Variants in ARL8B observed in about 807,000 individuals in gnomAD.
The protein encoded by ARL8B is ARF like GTPase 8B.
Under a neutral mutation model 30.6 loss-of-function variants are expected in ARL8B, and 9 were observed. The observed-to-expected ratio is 0.29, with a 90% CI of 0.18 to 0.51. The LOEUF (loss-of-function observed/expected upper bound fraction) is 0.51, where lower values mean the gene tolerates loss of function less well. Ranked by LOEUF, ARL8B falls within the 20% of genes least tolerant of loss-of-function variation. ARL8B has a pLI of 0.97. For missense variants in ARL8B, 130 were observed against 227.2 expected (o/e 0.57, Z 2.75); for synonymous variants, 74 against 76.0 (o/e 0.97, Z 0.14).
At chr3:5,126,953 T>A (rs538941763) in intron 1 of ARL8B, among the ~76,000 whole-genome samples, 1 of 152,240 alleles carries the variant, frequency 6.6e-6, no homozygotes, top group South Asian at 2.1e-4. Context: ...ATAAATCTTA[T>A]GGACATTATG....
chr3:5,145,338 C>A (rs1331101467), intron 1 of ARL8B, among the ~76,000 whole-genome samples: 1 of 152,162 alleles, frequency 6.6e-6, no homozygotes, highest in East Asian at 1.9e-4. Flanking sequence ...AATCCAGTAA[C>A]CATCTCCCGG....
chr3:5,132,053 A>C (rs2054287691), intron 1 of ARL8B, among the ~76,000 whole-genome samples: 1 of 152,056 alleles, frequency 6.6e-6, no homozygotes, highest in Admixed American at 6.6e-5. Flanking sequence ...CAGCTAATTA[A>C]AAAAATTTGT....
intron 6 of ARL8B, among the ~76,000 whole-genome samples, chr3:5,178,298 C>A (rs1302959854): frequency 6.8e-6 from 1 of 147,354 alleles, no homozygotes; most frequent in East Asian, 2.0e-4. Context: ...ATTACTGCAT[C>A]TTTTCTGTGT....
chr3:5,122,596 C>T lies in ARL8B; in HGVS notation c.123+8C>T, dbSNP rs765256373. 3 of 1,594,472 alleles carry T rather than the reference C, an allele frequency of 1.9e-6. No homozygotes were observed. The highest frequency in any genetic ancestry group is 2.6e-6 in the Non-Finnish European group (3 of 1,167,714). ...TTCGTCAATGTCATCGCGGTGAGCG[C>T]CCGCCCACTCACTCGCCCGGGGCTC... is the stretch of plus-strand genomic sequence containing the variant. On this transcript the variant is annotated splice_region_variant and intron_variant, in intron 1 of 6. Coordinates refer to ENST00000256496, the MANE Select transcript of ARL8B (RefSeq NM_018184.3).
chr3:5,137,325 CCT>C (rs1429517148), intron 1 of ARL8B, among the ~76,000 whole-genome samples: 2 of 151,936 alleles, frequency 1.3e-5, no homozygotes, highest in African/African-American at 2.4e-5. Context: ...AGTGGAACCC[CCT>C]CACCTTTCAC....
At chr3:5,132,341 G>A (rs776592482) in intron 1 of ARL8B, among the ~76,000 whole-genome samples, 13 of 151,580 alleles carry the variant, frequency 8.6e-5, no homozygotes, top group African/African-American at 1.7e-4. Context: ...TACAACCTCC[G>A]CCTCCCTGGT....
rs974543259 is a variant in ARL8B at position 5,131,696 on chromosome 3, G to A, written c.123+9108G>A. ...GTGAGCCACTGCACCCAGCCTACCC[G>A]TTTCTTAAAAATATTAAATTGACGT... is the stretch of plus-strand genomic sequence containing the variant. On this transcript the variant is annotated intron_variant, in intron 1 of 6. Coordinates refer to ENST00000256496, the MANE Select transcript of ARL8B (RefSeq NM_018184.3). Among the ~76,000 whole-genome samples, 15 of 152,042 alleles carry A rather than the reference G, an allele frequency of 9.9e-5. 1 individual carries two copies. In the South Asian group the frequency reaches 1.7e-3, roughly 17 times the overall value.
At chr3:5,134,359 T>TAA (rs1236690032) in intron 1 of ARL8B, among the ~76,000 whole-genome samples, 1 of 152,230 alleles carries the variant, frequency 6.6e-6, no homozygotes, top group Non-Finnish European at 1.5e-5. Context: ...AGAAGAGGTC[T>TAA]TTAATAGCTG....
chr3:5,141,029 A>G (rs894551737), intron 1 of ARL8B, among the ~76,000 whole-genome samples: 3 of 152,156 alleles, frequency 2.0e-5, no homozygotes, highest in African/African-American at 7.2e-5. Context: ...TGGGGTTACA[A>G]TCTTCCTGGA....
intron 1 of ARL8B, among the ~76,000 whole-genome samples, chr3:5,134,438 C>T (rs994731246): frequency 9.9e-5 from 15 of 152,096 alleles, no homozygotes; most frequent in Admixed American, 7.2e-4. Context: ...CTGTCGAATT[C>T]GAAGAGTAAT....
intron 1 of ARL8B, among the ~76,000 whole-genome samples, chr3:5,136,774 G>T (rs2054329256): frequency 2.0e-5 from 3 of 152,034 alleles, no homozygotes; most frequent in Non-Finnish European, 4.4e-5. Flanking sequence ...AGACTGAGAC[G>T]CCCAAGATAC....
At chr3:5,130,809 G>A (rs959997027) in intron 1 of ARL8B, among the ~76,000 whole-genome samples, 6 of 152,126 alleles carry the variant, frequency 3.9e-5, no homozygotes, top group African/African-American at 1.4e-4. Flanking sequence ...GAGCCACCAC[G>A]CCCAGCCTAT....
At chr3:5,166,895 G>A (rs990038244) in intron 1 of ARL8B, among the ~76,000 whole-genome samples, 2 of 152,170 alleles carry the variant, frequency 1.3e-5, no homozygotes, top group South Asian at 4.1e-4. Flanking sequence ...ACATTTTTCT[G>A]CTGTTGTAGC....
chr3:5,161,497 G>T (rs1016195047), intron 1 of ARL8B, among the ~76,000 whole-genome samples: 1 of 152,176 alleles, frequency 6.6e-6, no homozygotes, highest in Admixed American at 6.5e-5. Context: ...CTGTTTGTTT[G>T]CCTCATCTAA....
intron 1 of ARL8B, among the ~76,000 whole-genome samples, chr3:5,138,850 G>T (rs2054348908): frequency 6.6e-6 from 1 of 152,180 alleles, no homozygotes; most frequent in Non-Finnish European, 1.5e-5. Flanking sequence ...GCACTGACTG[G>T]ACTAATGGAG....
chr3:5,149,183 C>G (rs1246033588), intron 1 of ARL8B, among the ~76,000 whole-genome samples: 1 of 152,238 alleles, frequency 6.6e-6, no homozygotes, highest in African/African-American at 2.4e-5. Context: ...ATTTTCCTAC[C>G]TGGGCTCCTG....
intron 1 of ARL8B, among the ~76,000 whole-genome samples, chr3:5,159,790 T>A (rs951466456): frequency 1.3e-5 from 2 of 152,072 alleles, no homozygotes; most frequent in Admixed American, 1.3e-4. Flanking sequence ...GCAGCATTTG[T>A]ACTCATAGAA....
At chr3:5,178,049 A>T (rs1210421860) in intron 6 of ARL8B, among the ~76,000 whole-genome samples, 3 of 152,180 alleles carry the variant, frequency 2.0e-5, no homozygotes, top group African/African-American at 7.2e-5. Flanking sequence ...ATAGACTCTC[A>T]TGTACCCTTC....
chr3:5,168,684 AG>A (rs1384741100), intron 1 of ARL8B, among the ~76,000 whole-genome samples: 1 of 152,212 alleles, frequency 6.6e-6, no homozygotes, highest in African/African-American at 2.4e-5. Flanking sequence ...TATCTAATTT[AG>A]TTTTCTTGTT....
Sources: allele counts gnomAD v4.1 joint callset (sites outside exome capture counted in the v4.1 genomes callset), GRCh38; gene constraint gnomAD v4.1.1; transcripts MANE v1.5; gene names NCBI Gene and HGNC (gene_info 2026-07-23, HGNC 2026-07-21).